Variants in SCHIP1 observed in about 807,000 individuals in gnomAD.
SCHIP1 encodes schwannomin interacting protein 1, also known as schwannomin-interacting protein 1.
Under a neutral mutation model 29.7 loss-of-function variants are expected in SCHIP1, and 8 were observed. The ratio of observed to expected loss-of-function variants is 0.27; its 90% CI spans 0.16 to 0.49. SCHIP1 has a LOEUF of 0.49. Ranked by LOEUF, SCHIP1 falls within the 20% of genes least tolerant of loss-of-function variation. SCHIP1 has a pLI of 0.99. For synonymous variants in SCHIP1, 76 were observed against 94.9 expected, an observed-to-expected ratio of 0.80 and a Z score of 1.16; for missense variants, 193 against 294.6, an observed-to-expected ratio of 0.66 and a Z score of 2.52.
chr3:159,661,272 CTT>C, the SCHIP1 span, among the ~76,000 whole-genome samples: 1 of 152,128 alleles, frequency 6.6e-6, no homozygotes, highest in Non-Finnish European at 1.5e-5. Context: ...CACCATGTAA[CTT>C]ATATAATCAT....
chr3:159,593,377 C>T, the SCHIP1 span, among the ~76,000 whole-genome samples: 1 of 152,092 alleles, frequency 6.6e-6, no homozygotes, highest in African/African-American at 2.4e-5. Context: ...GACTGGAGGA[C>T]TCATCTGGTT....
chr3:159,876,502 C>T (rs945407161), intron 2 of SCHIP1, among the ~76,000 whole-genome samples: 6 of 152,128 alleles, frequency 3.9e-5, no homozygotes, highest in African/African-American at 9.7e-5. Flanking sequence ...AGTGCCTGGA[C>T]GAGAGTCAGT....
At chr3:159,708,544 A>G in the SCHIP1 span, among the ~76,000 whole-genome samples, 1 of 152,214 alleles carries the variant, frequency 6.6e-6, no homozygotes, top group Non-Finnish European at 1.5e-5. Context: ...GCTTTAAACC[A>G]GGGGCAGATG....
the SCHIP1 span, among the ~76,000 whole-genome samples, chr3:159,415,405 A>ATGGGTAATGAAAGAT: frequency 6.6e-6 from 1 of 152,134 alleles, no homozygotes; most frequent in Non-Finnish European, 1.5e-5. Context: ...CCAGGTATTA[A>ATGGGTAATGAAAGAT]GCCTAGTACC....
intron 1 of SCHIP1, among the ~76,000 whole-genome samples, chr3:159,849,542 A>G (rs1280298156): frequency 1.3e-5 from 2 of 152,186 alleles, no homozygotes; most frequent in African/African-American, 2.4e-5. Flanking sequence ...CAGTACAGTC[A>G]TGGAGCCAGG....
At chr3:159,347,353 A>C in the SCHIP1 span, among the ~76,000 whole-genome samples, 1 of 152,148 alleles carries the variant, frequency 6.6e-6, no homozygotes, top group African/African-American at 2.4e-5. Context: ...GAAGTCTTAC[A>C]TTTCAGAGAA....
chr3:159,724,416 C>G, the SCHIP1 span, among the ~76,000 whole-genome samples: 1 of 152,112 alleles, frequency 6.6e-6, no homozygotes, highest in Non-Finnish European at 1.5e-5. Flanking sequence ...GACTCCTCTC[C>G]CTCTTCCCTA....
chr3:159,672,536 C>T, the SCHIP1 span, among the ~76,000 whole-genome samples: 17 of 152,046 alleles, frequency 1.1e-4, no homozygotes, highest in Non-Finnish European at 1.8e-4. Flanking sequence ...AGCAATTTTG[C>T]GCCCCTACCC....
At chr3:159,273,677 G>A in the SCHIP1 span, 1 of 1,391,754 alleles carries the variant, frequency 7.2e-7, no homozygotes, top group South Asian at 1.7e-5. Context: ...AAGGGCAAAA[G>A]CATCACTTAT....
chr3:159,866,349 A>T (rs1351149976), intron 2 of SCHIP1, 68 bp downstream of exon 3: 45 of 1,367,304 alleles, frequency 3.3e-5, no homozygotes, highest in South Asian at 8.1e-5. Context: ...CTATTCTAAT[A>T]AAAAAAAGCC....
At chr3:159,408,256 C>G in the SCHIP1 span, among the ~76,000 whole-genome samples, 1 of 151,932 alleles carries the variant, frequency 6.6e-6, no homozygotes. Context: ...CGAGATCACA[C>G]CACTGCACTC....
At chr3:159,424,125 A>G in the SCHIP1 span, among the ~76,000 whole-genome samples, 1 of 151,054 alleles carries the variant, frequency 6.6e-6, no homozygotes, top group Admixed American at 6.6e-5. Context: ...AAACTCTAAA[A>G]AGCAGAGCAC....
the SCHIP1 span, among the ~76,000 whole-genome samples, chr3:159,742,191 A>G: frequency 2.2e-4 from 34 of 152,224 alleles, no homozygotes; most frequent in Admixed American, 5.9e-4. Flanking sequence ...GTGCCACTGC[A>G]CTCCAGCTTG....
the SCHIP1 span, among the ~76,000 whole-genome samples, chr3:159,724,611 G>C: frequency 6.6e-6 from 1 of 152,020 alleles, no homozygotes; most frequent in Non-Finnish European, 1.5e-5. Context: ...ACAAAATCTT[G>C]CTATGGTGAT....
chr3:159,464,717 T>C, the SCHIP1 span, among the ~76,000 whole-genome samples: 1 of 152,272 alleles, frequency 6.6e-6, no homozygotes, highest in Middle Eastern at 3.4e-3. Context: ...CCCACGGAGC[T>C]TGAATCAATT....
At chr3:159,533,907 T>C in the SCHIP1 span, among the ~76,000 whole-genome samples, 1 of 152,168 alleles carries the variant, frequency 6.6e-6, no homozygotes, top group African/African-American at 2.4e-5. Flanking sequence ...GAATACTTTT[T>C]TAAACAAAAC....
At chr3:159,333,642 A>G in the SCHIP1 span, among the ~76,000 whole-genome samples, 1 of 152,060 alleles carries the variant, frequency 6.6e-6, no homozygotes, top group Non-Finnish European at 1.5e-5. Flanking sequence ...AGCAAAGACT[A>G]CTCCTACACA....
At chr3:159,766,872 C>A in the SCHIP1 span, among the ~76,000 whole-genome samples, 1 of 152,184 alleles carries the variant, frequency 6.6e-6, no homozygotes. Flanking sequence ...TACCCCCACC[C>A]CCAACGCATC....
chr3:159,782,319 G>A, the SCHIP1 span, among the ~76,000 whole-genome samples: 1 of 152,222 alleles, frequency 6.6e-6, no homozygotes, highest in Non-Finnish European at 1.5e-5. Context: ...ATCACAGAGA[G>A]AGTGCGTGTG....
Sources: allele counts gnomAD v4.1 joint callset (sites outside exome capture counted in the v4.1 genomes callset), GRCh38; gene constraint gnomAD v4.1.1; transcripts MANE v1.5; gene names NCBI Gene and HGNC (gene_info 2026-07-23, HGNC 2026-07-21).